SLC9B2: variants seen among roughly 807,000 people sequenced by gnomAD.
SLC9B2 encodes the protein sodium/hydrogen exchanger 9B2.
Under a neutral mutation model 52.2 loss-of-function variants are expected in SLC9B2, and 39 were observed. The observed-to-expected ratio is 0.75, with a 90% CI of 0.58 to 0.98. The LOEUF (loss-of-function observed/expected upper bound fraction) is 0.98, where lower values mean the gene tolerates loss of function less well. Ranked by LOEUF, SLC9B2 falls within the 50% of genes least tolerant of loss-of-function variation. SLC9B2 has a pLI of 0.00. For missense variants in SLC9B2, 626 were observed against 637.5 expected (o/e 0.98, Z 0.19); for synonymous variants, 214 against 227.0 (o/e 0.94, Z 0.51).
At chr4:103,047,794 T>C (rs1293559564) in intron 6 of SLC9B2, among the ~76,000 whole-genome samples, 5 of 152,138 alleles carry the variant, frequency 3.3e-5, no homozygotes, top group African/African-American at 4.8e-5. Context: ...CAGTCTATCA[T>C]TGACAACTAC....
At chr4:103,039,297 A>C (rs1204244757) in intron 9 of SLC9B2, among the ~76,000 whole-genome samples, 1 of 152,166 alleles carries the variant, frequency 6.6e-6, no homozygotes, top group Non-Finnish European at 1.5e-5. Flanking sequence ...ATGATTAATA[A>C]CTTTCCTTAG....
At chr4:103,045,059 C>T (rs1299516144) in intron 7 of SLC9B2, 63 bp from the exon 8 acceptor site, 2 of 1,032,024 alleles carry the variant, frequency 1.9e-6, no homozygotes, top group South Asian at 1.4e-5. Flanking sequence ...TTTTATTCCA[C>T]AATCATCAAC....
At chr4:103,055,834 C>T (rs1232658709) in intron 4 of SLC9B2, among the ~76,000 whole-genome samples, 3 of 140,362 alleles carry the variant, frequency 2.1e-5, no homozygotes, top group Non-Finnish European at 4.6e-5. Context: ...GGCGGATTCT[C>T]GCTCGGTCAC....
At chr4:103,071,656 T>C (rs1214974083) in intron 1 of SLC9B2, among the ~76,000 whole-genome samples, 1 of 151,854 alleles carries the variant, frequency 6.6e-6, no homozygotes, top group East Asian at 1.9e-4. Flanking sequence ...GGATTACAGG[T>C]GTGAGCTACC....
intron 2 of SLC9B2, 61 bp downstream of exon 2, chr4:103,067,400 G>A (rs2110661981): frequency 6.8e-7 from 1 of 1,463,182 alleles, no homozygotes; most frequent in Non-Finnish European, 9.5e-7. Flanking sequence ...GGGGATAGGA[G>A]AATTGGTAAA....
intron 1 of SLC9B2, among the ~76,000 whole-genome samples, chr4:103,075,060 A>T (rs1476139346): frequency 6.6e-6 from 1 of 152,224 alleles, no homozygotes; most frequent in African/African-American, 2.4e-5. Context: ...ATGATAAAGG[A>T]TGATAAATGA....
At chr4:103,074,639 T>C (rs1408547690) in intron 1 of SLC9B2, among the ~76,000 whole-genome samples, 1 of 152,234 alleles carries the variant, frequency 6.6e-6, no homozygotes, top group Non-Finnish European at 1.5e-5. Flanking sequence ...ACAGAAATTA[T>C]TTGGATTGTA....
intron 8 of SLC9B2, among the ~76,000 whole-genome samples, chr4:103,044,532 A>G (rs910735231): frequency 3.9e-5 from 6 of 152,142 alleles, no homozygotes; most frequent in African/African-American, 1.4e-4. Context: ...GCCTGGCTAG[A>G]ATCTAAGGTA....
At position 103,025,939 on chromosome 4, in the gene SLC9B2, G is replaced by T; in HGVS notation, c.*431C>A. On this transcript the variant is annotated 3_prime_UTR_variant, in exon 12 of 12. Transcript: ENST00000394785. ...AAAAATTAATGAGAGACTGCATTAT[G>T]ATGTTTAACAACAAAAACAGATCCA... 6.5e-6 allele frequency: 1 copy of T among 153,560 alleles called. No homozygotes were observed. Among genetic ancestry groups the T allele is most frequent in the Non-Finnish European group, 1.4e-5 (1 of 69,004 alleles). 9.5% of individuals were successfully genotyped at this position (153,560 alleles called of 1,614,324 possible).
chr4:103,072,056 G>GTTTTTTTTTTT (rs779979130), intron 1 of SLC9B2, among the ~76,000 whole-genome samples: 9,990 of 94,516 alleles, frequency 0.11, 1,598 homozygotes, highest in Non-Finnish European at 0.13. Context: ...TGGCTTTCAT[G>GTTTTTTTTTTT]TTTTTTTTTT....
At chr4:103,050,799 G>T (rs1744609000) in intron 4 of SLC9B2, among the ~76,000 whole-genome samples, 1 of 152,194 alleles carries the variant, frequency 6.6e-6, no homozygotes, top group Admixed American at 6.5e-5. Flanking sequence ...TTTACCTTCA[G>T]ATTAGATAAT....
chr4:103,057,960 C>T lies in SLC9B2; in HGVS notation c.283G>A (p.Val95Ile). Reference protein sequence around the residue: ...DRVITNVTIIVLLWAVVWSIT... With the variant: ...DRVITNVTIIILLWAVVWSIT... ...GACCAAACTACAGCCCACAGAAGAACAATGATGGTAACTGAAATAAACCAG... is the reference window on the plus strand; with the variant it reads ...GACCAAACTACAGCCCACAGAAGAATAATGATGGTAACTGAAATAAACCAG... Residue 95 changes from valine (V) to isoleucine (I), a missense_variant, in exon 4 of 12, where the codon GTT becomes ATT. Coordinates refer to ENST00000394785, the MANE Select transcript of SLC9B2 (RefSeq NM_178833.7). The T allele has an allele frequency of 6.2e-7, 1 of 1,607,850 alleles. No individual in the cohort carries two copies. Among genetic ancestry groups the T allele is most frequent in the Non-Finnish European group, 8.5e-7 (1 of 1,178,720 alleles).
Position 103,026,204 on chromosome 4 carries a change from A to T in SLC9B2, c.*166T>A. 2 of 605,144 alleles carry T rather than the reference A, an allele frequency of 3.3e-6. No homozygotes were observed. Among genetic ancestry groups the T allele is most frequent in the Non-Finnish European group, 5.7e-6 (2 of 353,310 alleles). The allele number at this position is 605,144 out of a possible 1,614,324, so 37.5% of individuals were successfully genotyped here. On this transcript the variant is annotated 3_prime_UTR_variant, in exon 12 of 12. Transcript: ENST00000394785. Reference sequence around the variant, plus strand: ...GAGATTAAGGTTGGTGATATAGATCATTACCACCCACATGGAAAGAGCAAG... The same window carrying T: ...GAGATTAAGGTTGGTGATATAGATCTTTACCACCCACATGGAAAGAGCAAG...
At chr4:103,028,014 T>C (rs1392880622) in intron 11 of SLC9B2, among the ~76,000 whole-genome samples, 1 of 152,176 alleles carries the variant, frequency 6.6e-6, no homozygotes, top group Non-Finnish European at 1.5e-5. Context: ...TCTGAAAATA[T>C]ACAACCAAAG....
In SLC9B2 at chr4:103,022,741, C is replaced by T. The variant is rs553586443; in HGVS notation, c.*3629G>A. 3.3e-5 allele frequency among the ~76,000 whole-genome samples: 5 copies of T among 152,168 alleles called. No homozygotes were observed. The highest frequency in any genetic ancestry group is 7.4e-5 in the Non-Finnish European group (5 of 68,022). On this transcript the variant is annotated 3_prime_UTR_variant, in exon 12 of 12. Coordinates refer to ENST00000394785, the MANE Select transcript of SLC9B2 (RefSeq NM_178833.7). ...CTTTCAGGGACTGAATTATGTCCTT[C>T]CCCACACATTCATATGTTGAAGCCT...
In SLC9B2 at chr4:103,026,474, T is replaced by C. The variant is rs200322998; in HGVS notation, c.1510A>G (p.Ile504Val). The C allele has an allele frequency of 3.5e-4, 569 of 1,613,822 alleles. 3 individuals carry two copies. The highest frequency in any genetic ancestry group is 1.8e-3 in the South Asian group (165 of 91,080). ...AGTAAACCAATAAGCAGACTTCCAA[T>C]TGGGGCTGTGATGAGGATGGACAAA... is the stretch of plus-strand genomic sequence containing the variant. ...AFLSILITAP[I>V]GSLLIGLLGP... The change falls in exon 12 of 12, where the codon ATT becomes GTT. Residue 504 changes from isoleucine (I) to valine (V), a missense_variant. Physicochemically the swap from Ile to Val is conservative, Grantham distance 29. Transcript: ENST00000394785.
rs1745549788 is a variant in SLC9B2, at chr4:103,060,571, T to G, written c.272-2600A>C. Among the ~76,000 whole-genome samples, 8 of 149,812 alleles carry G rather than the reference T, an allele frequency of 5.3e-5. No homozygotes were observed. The South Asian group carries it at 1.5e-3, about 28-fold the overall frequency. ...TTTTTTTTTTTTAGTTTTTTTGCAA[T>G]AGTGAGCTCTCCCTTGGAACTTTGT... is the stretch of plus-strand genomic sequence containing the variant. On this transcript the variant is annotated intron_variant, in intron 3 of 11. Transcript: ENST00000394785.
intron 10 of SLC9B2, among the ~76,000 whole-genome samples, chr4:103,029,234 G>A (rs1742486669): frequency 6.6e-6 from 1 of 152,064 alleles, no homozygotes; most frequent in Admixed American, 6.6e-5. Flanking sequence ...TAAGTAATAA[G>A]CTTTAAACTA....
chr4:103,044,715 A>T, intron 8 of SLC9B2, among the ~76,000 whole-genome samples, 175 bp downstream of exon 8: 1 of 152,250 alleles, frequency 6.6e-6, no homozygotes, highest in East Asian at 1.9e-4. Context: ...GGACTGCATT[A>T]AAATCTTCTA....
Sources: allele counts gnomAD v4.1 joint callset (sites outside exome capture counted in the v4.1 genomes callset), GRCh38; gene constraint gnomAD v4.1.1; transcripts MANE v1.5; gene names NCBI Gene and HGNC (gene_info 2026-07-23, HGNC 2026-07-21).